FAM187B: variants seen among roughly 807,000 people sequenced by gnomAD.
FAM187B encodes the protein protein FAM187B.
In FAM187B, 22 loss-of-function variants were observed where a neutral mutation model predicts 22.6. The ratio of observed to expected loss-of-function variants is 0.97; its 90% CI spans 0.70 to 1.39. The LOEUF is 1.39. Ranked by LOEUF, FAM187B falls within the 40% of genes most tolerant of loss-of-function variation. The pLI is 0.00. For synonymous variants in FAM187B, 192 were observed against 201.8 expected, an observed-to-expected ratio of 0.95 and a Z score of 0.41; for missense variants, 433 against 462.1, an observed-to-expected ratio of 0.94 and a Z score of 0.58.
At chr19:35,226,891 TG>T (rs1568431807) in intron 1 of FAM187B, among the ~76,000 whole-genome samples, 1 of 152,190 alleles carries the variant, frequency 6.6e-6, no homozygotes, top group Non-Finnish European at 1.5e-5. Context: ...ATTGGATCAT[TG>T]CAGATATAAT....
rs755687607 is a variant in FAM187B at position 35,228,242 on chromosome 19, G to A, written c.439C>T (p.Pro147Ser). Residue 147 changes from proline to serine, a missense_variant, in exon 1 of 2, where the codon CCC becomes TCC. Pro to Ser is a moderately conservative substitution (Grantham distance 74). Transcript: ENST00000324675. ...TCACAGCGGTTGCAGTCCTGCCAGG[G>A]CTCCCACCAGGTAAAAATGAGCTGT... Reference protein sequence around the residue: ...SKQLIFTWWEPWQDCNRCEEP... With the variant: ...SKQLIFTWWESWQDCNRCEEP... 1.2e-6 allele frequency: 2 copies of A among 1,614,210 alleles called. No individual in the cohort carries two copies. The highest frequency in any genetic ancestry group is 1.6e-4 in the Middle Eastern group (1 of 6,062).
chr19:35,228,591 G>T lies in FAM187B; in HGVS notation c.90C>A (p.Cys30Ter), dbSNP rs1400225699. Residue 30 changes from cysteine to a stop codon, truncating the protein, a stop_gained, in exon 1 of 2, where the codon TGC (cysteine) becomes TGA (stop). Transcript: ENST00000324675. LOFTEE classifies it high-confidence loss of function. Reference protein sequence around the residue: ...FSISCPSGKQCQQALLSGNDI... With the variant: ...FSISCPSGKQ ...CATTGCCTGAGAGTAGGGCCTGTTG[G>T]CACTGCTTACCACTGGGGCAGCTGA... 9 of 1,614,018 alleles carry T rather than the reference G, an allele frequency of 5.6e-6. No individual in the cohort carries two copies. In the Admixed American group the frequency reaches 6.7e-5, roughly 12 times the overall value.
intron 1 of FAM187B, among the ~76,000 whole-genome samples, chr19:35,227,328 T>C (rs1433741304): frequency 6.6e-6 from 1 of 152,174 alleles, no homozygotes; most frequent in Non-Finnish European, 1.5e-5. Context: ...CAAGTGATTC[T>C]CCTGCGTCAG....
Position 35,225,296 on chromosome 19 carries a change from C to T in FAM187B, c.723-84G>A, listed in dbSNP as rs75716869. On this transcript the variant is annotated intron_variant, in intron 1 of 1. Transcript: ENST00000324675. ...CTGAGGAACAGAAAATAAAGCACCG[C>T]CCAGTCCCCCTCCTCGCCACCCCCC... is the stretch of plus-strand genomic sequence containing the variant. 5,209 of 1,407,676 alleles carry T rather than the reference C, an allele frequency of 3.7e-3. 157 individuals are homozygous for T. The African/African-American group carries it at 0.067, about 18-fold the overall frequency. The allele number at this position is 1,407,676 out of a possible 1,614,324, so 87.2% of individuals were successfully genotyped here.
intron 1 of FAM187B, 121 bp from the exon 2 acceptor site, chr19:35,225,333 T>C: frequency 1.6e-6 from 2 of 1,265,030 alleles, no homozygotes; most frequent in Non-Finnish European, 2.1e-6. Context: ...CGGAGCACTG[T>C]GCAGCCGTCA....
chr19:35,225,187 T>A lies in FAM187B; in HGVS notation c.748A>T (p.Thr250Ser), dbSNP rs1435387675. 1 of 1,510,624 alleles carries A rather than the reference T, an allele frequency of 6.6e-7. No homozygotes were observed. The highest frequency in any genetic ancestry group is 2.3e-5 in the Admixed American group (1 of 44,206). The allele number at this position is 1,510,624 out of a possible 1,614,324, so 93.6% of individuals were successfully genotyped here. Residue 250 changes from threonine to serine, a missense_variant, in exon 2 of 2, where the codon ACC becomes TCC. Physicochemically the swap from Thr to Ser is moderately conservative, Grantham distance 58 (BLOSUM62 1). Transcript: ENST00000324675. ...YRPVNWRAND[T>S]PLTWESQLSG... ...AGCTGGCTCTCCCACGTCAGGGGGGTGTCGTTGGCACGCCAGTTGACGGGC... is the reference window on the plus strand; with the variant it reads ...AGCTGGCTCTCCCACGTCAGGGGGGAGTCGTTGGCACGCCAGTTGACGGGC...
At position 35,225,068 on chromosome 19, in the gene FAM187B, C is replaced by T. The variant is rs771198023; in HGVS notation, c.867G>A (p.Gln289=). The T allele has an allele frequency of 1.1e-4, 183 of 1,612,524 alleles. No homozygotes were observed. Among genetic ancestry groups the T allele is most frequent in the Non-Finnish European group, 1.5e-4 (176 of 1,179,282 alleles). Residue 289 remains glutamine, a synonymous_variant, in exon 2 of 2, where the codon CAG becomes CAA. Transcript: ENST00000324675. ...GTTTGAACTGGGCCACGAGCTCCTG[C>T]TGCACGAAGCACTTGTAGACGGCCG... is the stretch of plus-strand genomic sequence containing the variant. The part of the protein sequence containing the change: ...FQPAVYKCFV[Q]QELVAQFKPA...
chr19:35,224,981 C>T lies in FAM187B; in HGVS notation c.954G>A (p.Glu318=), dbSNP rs1195256481. The change falls in exon 2 of 2, where the codon GAG becomes GAA. Residue 318 remains glutamate, a synonymous_variant. Coordinates refer to ENST00000324675, the MANE Select transcript of FAM187B (RefSeq NM_152481.2). The part of the protein sequence containing the change: ...QWRENDAQWR[E]ARKALRGRAD... ...CCCTGCCCCGCAGGGCCTTCCTTGC[C>T]TCCCGCCACTGGGCATCGTTCTCTC... 1 of 1,613,874 alleles carries T rather than the reference C, an allele frequency of 6.2e-7. No individual in the cohort carries two copies. The highest frequency in any genetic ancestry group is 8.5e-7 in the Non-Finnish European group (1 of 1,179,986).
Position 35,228,091 on chromosome 19 carries a change from T to G in FAM187B, c.590A>C (p.Gln197Pro), listed in dbSNP as rs758069124. ...VWSSRLRPEL[Q>P]VEACHVQCTN... ...GCACTGGACGTGGCAGGCTTCCACC[T>G]GCAGCTCAGGCCGCAAGCGGCTAGA... Residue 197 changes from glutamine to proline, a missense_variant, in exon 1 of 2, where the codon CAG (glutamine) becomes CCG (proline). Transcript: ENST00000324675. The G allele has an allele frequency of 1.9e-6, 3 of 1,614,128 alleles. No individual in the cohort carries two copies. The African/African-American group carries it at 4.0e-5, about 22-fold the overall frequency.
Position 35,228,515 on chromosome 19 carries a change from T to C in FAM187B, c.166A>G (p.Thr56Ala), listed in dbSNP as rs1020168262. ...GTGAGCCTGCCCTTCTTGCCTTGTG[T>C]GAATAAATAGTACCAGTGCGCCCCC... is the stretch of plus-strand genomic sequence containing the variant. ...SSGAHWYYLF[T>A]QGKKGRLTSL... The change falls in exon 1 of 2, where the codon ACA becomes GCA. Residue 56 changes from threonine to alanine, a missense_variant. Thr to Ala is a moderately conservative substitution (Grantham distance 58, BLOSUM62 0). Transcript: ENST00000324675. 3.7e-6 allele frequency: 6 copies of C among 1,614,172 alleles called. No homozygotes were observed. Among genetic ancestry groups the C allele is most frequent in the Non-Finnish European group, 5.1e-6 (6 of 1,180,032 alleles).
In FAM187B at chr19:35,228,069, C is replaced by T. The variant is rs986530449; in HGVS notation, c.612G>A (p.Gln204=). 6.2e-7 allele frequency: 1 copy of T among 1,614,236 alleles called. No individual in the cohort carries two copies. ...CCCTTAACTGTGTGTTATTGGTGCA[C>T]TGGACGTGGCAGGCTTCCACCTGCA... is the stretch of plus-strand genomic sequence containing the variant. The part of the protein sequence containing the change: ...PELQVEACHV[Q]CTNNTQLRVD... Residue 204 remains glutamine, a synonymous_variant, in exon 1 of 2, where the codon CAG becomes CAA. Transcript: ENST00000324675.
intron 1 of FAM187B, among the ~76,000 whole-genome samples, chr19:35,227,173 C>T (rs7255582): frequency 0.29 from 44,202 of 152,098 alleles, 7,668 homozygotes; most frequent in Non-Finnish European, 0.4. Context: ...TGATTTCAGA[C>T]TTACGGCCTC....
In FAM187B at chr19:35,228,374, C is replaced by G. The variant is rs2065668635; in HGVS notation, c.307G>C (p.Val103Leu). 6.2e-7 allele frequency: 1 copy of G among 1,614,212 alleles called. No individual in the cohort carries two copies. Among genetic ancestry groups the G allele is most frequent in the Non-Finnish European group, 8.5e-7 (1 of 1,180,040 alleles). The change falls in exon 1 of 2, where the codon GTG (valine) becomes CTG (leucine). Residue 103 changes from valine (V) to leucine (L), a missense_variant. Val to Leu is a conservative substitution (Grantham distance 32). Coordinates refer to ENST00000324675, the MANE Select transcript of FAM187B (RefSeq NM_152481.2). The stretch of plus-strand genomic sequence containing the variant: ...TGAAAGTCAATTTCATACTGCACCA[C>G]TTGGCGGCCATTCTTGTTCCAGCAG... ...YHCWNKNGRQVVQYEIDFQDV... is the reference protein window; with the variant it reads ...YHCWNKNGRQLVQYEIDFQDV...
chr19:35,224,936 C>G lies in FAM187B; in HGVS notation c.999G>C (p.Gly333=). The G allele has an allele frequency of 6.2e-7, 1 of 1,613,846 alleles. No homozygotes were observed. The highest frequency in any genetic ancestry group is 8.5e-7 in the Non-Finnish European group (1 of 1,179,986). The change falls in exon 2 of 2, where the codon GGG becomes GGC. Residue 333 remains glycine (G), a synonymous_variant. Transcript: ENST00000324675. ...TGACCACGAGCAGCACCAGCTTCAG[C>G]CCCTTGAGCACGGAGTCCGCCCTGC... The part of the protein sequence containing the change: ...LRGRADSVLK[G]LKLVLLVVTV...
rs757704790 is a variant in FAM187B, at chr19:35,225,161, G to A, written c.774C>T (p.Leu258=). The A allele has an allele frequency of 5.2e-6, 8 of 1,553,022 alleles. No individual in the cohort carries two copies. The highest frequency in any genetic ancestry group is 7.0e-6 in the Non-Finnish European group (8 of 1,149,770). The change falls in exon 2 of 2, where the codon CTC becomes CTT. Residue 258 remains leucine (L), a synonymous_variant. Coordinates refer to ENST00000324675, the MANE Select transcript of FAM187B (RefSeq NM_152481.2). ...GAAAGGTGGTGAAGTCCTGGCCGGA[G>A]AGCTGGCTCTCCCACGTCAGGGGGG... ...NDTPLTWESQ[L]SGQDFTTFLD...
Position 35,228,039 on chromosome 19 carries a change from A to T in FAM187B, c.642T>A (p.Asp214Glu), listed in dbSNP as rs759344721. ...GCCTGAAGTTGTCAAAAATGACGTAATCCACCCTTAACTGTGTGTTATTGG... is the reference window on the plus strand; with the variant it reads ...GCCTGAAGTTGTCAAAAATGACGTATTCCACCCTTAACTGTGTGTTATTGG... ...QCTNNTQLRV[D>E]YVIFDNFRLD... Residue 214 changes from aspartate (D) to glutamate (E), a missense_variant, in exon 1 of 2, where the codon GAT (aspartate) becomes GAA (glutamate). By Grantham distance (45) the Asp-to-Glu change is conservative. Coordinates refer to ENST00000324675, the MANE Select transcript of FAM187B (RefSeq NM_152481.2). 2.5e-6 allele frequency: 4 copies of T among 1,614,132 alleles called. No homozygotes were observed. The Admixed American group carries it at 6.7e-5, about 27-fold the overall frequency.
chr19:35,228,610 C>A lies in FAM187B; in HGVS notation c.71G>T (p.Cys24Phe). ...CTGTTGGCACTGCTTACCACTGGGGCAGCTGATGGAAAAGTAGAACCCCAG... is the reference window on the plus strand; with the variant it reads ...CTGTTGGCACTGCTTACCACTGGGGAAGCTGATGGAAAAGTAGAACCCCAG... ...PALGFYFSISCPSGKQCQQAL... is the reference protein window; with the variant it reads ...PALGFYFSISFPSGKQCQQAL... Residue 24 changes from cysteine (C) to phenylalanine (F), a missense_variant, in exon 1 of 2, where the codon TGC becomes TTC. Coordinates refer to ENST00000324675, the MANE Select transcript of FAM187B (RefSeq NM_152481.2). 1 of 1,613,956 alleles carries A rather than the reference C, an allele frequency of 6.2e-7. No individual in the cohort carries two copies. The highest frequency in any genetic ancestry group is 8.5e-7 in the Non-Finnish European group (1 of 1,180,016).
chr19:35,227,549 G>T (rs1259119664), intron 1 of FAM187B, among the ~76,000 whole-genome samples: 1 of 150,140 alleles, frequency 6.7e-6, no homozygotes, highest in Non-Finnish European at 1.5e-5. Context: ...CAGGTGGACT[G>T]GGGGAGAGGA....
In FAM187B at chr19:35,225,306, C is replaced by T. The variant is rs966411027; in HGVS notation, c.723-94G>A. On this transcript the variant is annotated intron_variant, in intron 1 of 1. Coordinates refer to ENST00000324675, the MANE Select transcript of FAM187B (RefSeq NM_152481.2). ...GAAAATAAAGCACCGCCCAGTCCCC[C>T]TCCTCGCCACCCCCCACGGAGCACT... The T allele has an allele frequency of 5.7e-5, 78 of 1,378,382 alleles. No homozygotes were observed. In the African/African-American group the frequency reaches 1.1e-3, roughly 19 times the overall value. The allele number at this position is 1,378,382 out of a possible 1,614,324, so 85.4% of individuals were successfully genotyped here.
Sources: allele counts gnomAD v4.1 joint callset (sites outside exome capture counted in the v4.1 genomes callset), GRCh38; gene constraint gnomAD v4.1.1; transcripts MANE v1.5; gene names NCBI Gene and HGNC (gene_info 2026-07-23, HGNC 2026-07-21).